PLXDC2: variants seen among roughly 807,000 people sequenced by gnomAD.
PLXDC2 encodes plexin domain-containing protein 2.
A neutral mutation model predicts 68.9 loss-of-function variants in PLXDC2; 40 were observed. The ratio of observed to expected loss-of-function variants is 0.58; its 90% CI spans 0.45 to 0.76. PLXDC2 has a LOEUF of 0.76. Ranked by LOEUF, PLXDC2 falls within the 30% of genes least tolerant of loss-of-function variation. PLXDC2 has a pLI of 0.00. For missense variants in PLXDC2, 644 were observed against 661.9 expected, an observed-to-expected ratio of 0.97 and a Z score of 0.30; for synonymous variants, 243 against 234.2, an observed-to-expected ratio of 1.04 and a Z score of -0.34.
rs535175840 is a variant in PLXDC2, at chr10:20,187,309, T to A, written c.1061+9900T>A. On this transcript the variant is annotated intron_variant, in intron 9 of 13. Coordinates refer to ENST00000377252, the MANE Select transcript of PLXDC2 (RefSeq NM_032812.9). ...AGCTGAATGGACCCAATTTCAGTAG[T>A]TCTCAAAATTTCTTTTTTGTAGATC... Among the ~76,000 whole-genome samples, 3 of 151,972 alleles carry A rather than the reference T, an allele frequency of 2.0e-5. No homozygotes were observed. The East Asian group carries it at 5.8e-4, about 30-fold the overall frequency.
intron 4 of PLXDC2, among the ~76,000 whole-genome samples, chr10:20,075,328 A>G (rs1042557332): frequency 1.3e-5 from 2 of 152,088 alleles, no homozygotes; most frequent in Non-Finnish European, 2.9e-5. Flanking sequence ...AGCTGGGACT[A>G]CAGGCATGCA....
chr10:19,996,151 C>A (rs192730036), intron 1 of PLXDC2, among the ~76,000 whole-genome samples: 235 of 152,216 alleles, frequency 1.5e-3, no homozygotes, highest in Non-Finnish European at 2.3e-3. Flanking sequence ...CAACATAAGA[C>A]TAGATAGGGC....
Position 20,288,837 on chromosome 10 carries a change from A to T in PLXDC2, c.*9018A>T, listed in dbSNP as rs547557619. 6.6e-6 allele frequency: 1 copy of T among 152,092 alleles called. No individual in the cohort carries two copies. The highest frequency in any genetic ancestry group is 2.4e-5 in the African/African-American group (1 of 41,424). The allele number at this position is 152,092 out of a possible 1,614,324, so 9.4% of individuals were successfully genotyped here. On this transcript the variant is annotated 3_prime_UTR_variant, in exon 14 of 14. Coordinates refer to ENST00000377252, the MANE Select transcript of PLXDC2 (RefSeq NM_032812.9). ...GTGTATTGACTGCCTCAGTGACACA[A>T]TTTATCTTTAAAGGTGTGGAAGCTG...
chr10:19,865,105 G>C (rs1010891657), intron 1 of PLXDC2, among the ~76,000 whole-genome samples: 1 of 152,186 alleles, frequency 6.6e-6, no homozygotes, highest in African/African-American at 2.4e-5. Context: ...TGTTTTAACA[G>C]CAAAGTTGTA....
chr10:19,923,856 G>A (rs1196625064), intron 1 of PLXDC2, among the ~76,000 whole-genome samples: 2 of 152,160 alleles, frequency 1.3e-5, no homozygotes, highest in East Asian at 1.9e-4. Context: ...TTGAGCCCAC[G>A]AGTTCAAGAC....
intron 1 of PLXDC2, among the ~76,000 whole-genome samples, chr10:19,998,806 TG>T (rs112993943): frequency 2.6e-5 from 2 of 78,162 alleles, no homozygotes; most frequent in Admixed American, 1.2e-4. Flanking sequence ...TGCTAAACAG[TG>T]GGGGAAAAAA....
chr10:20,065,886 T>G (rs1032508745), intron 3 of PLXDC2, among the ~76,000 whole-genome samples: 1 of 152,206 alleles, frequency 6.6e-6, no homozygotes, highest in Non-Finnish European at 1.5e-5. Flanking sequence ...GCTGCTCACC[T>G]GCTGCTGTGT....
chr10:20,274,815 C>T (rs571772633), intron 13 of PLXDC2, among the ~76,000 whole-genome samples: 111 of 151,496 alleles, frequency 7.3e-4, no homozygotes, highest in African/African-American at 2.6e-3. Context: ...CTGTGTTTCC[C>T]CATAGATACA....
intron 1 of PLXDC2, among the ~76,000 whole-genome samples, chr10:19,989,199 G>A (rs1010263665): frequency 6.6e-6 from 1 of 152,062 alleles, no homozygotes; most frequent in Non-Finnish European, 1.5e-5. Context: ...AAATGTAAAT[G>A]GTTTTTTACA....
chr10:19,949,275 C>T (rs895518663), intron 1 of PLXDC2, among the ~76,000 whole-genome samples: 2 of 152,030 alleles, frequency 1.3e-5, no homozygotes, highest in African/African-American at 2.4e-5. Context: ...TCAAAATACT[C>T]ATTCTTGGGT....
chr10:20,259,052 A>G (rs12256251), intron 13 of PLXDC2, among the ~76,000 whole-genome samples: 3,723 of 152,026 alleles, frequency 0.024, 140 homozygotes, highest in African/African-American at 0.083. Flanking sequence ...GAAAACTTCA[A>G]TCTTAATCAG....
At chr10:20,017,072 C>A (rs1236363757) in intron 2 of PLXDC2, among the ~76,000 whole-genome samples, 1 of 152,154 alleles carries the variant, frequency 6.6e-6, no homozygotes, top group African/African-American at 2.4e-5. Flanking sequence ...AGCACACATG[C>A]CTGGAGAAAG....
At chr10:19,901,769 G>T (rs1390112258) in intron 1 of PLXDC2, among the ~76,000 whole-genome samples, 1 of 151,976 alleles carries the variant, frequency 6.6e-6, no homozygotes. Context: ...TGTCTGAAGG[G>T]TTTTTCGATG....
intron 2 of PLXDC2, among the ~76,000 whole-genome samples, chr10:20,004,468 A>G (rs1161654664): frequency 6.6e-6 from 1 of 152,174 alleles, no homozygotes; most frequent in African/African-American, 2.4e-5. Flanking sequence ...GGGGTGCAGC[A>G]TCAAGAAAGG....
intron 13 of PLXDC2, 114 bp from the exon 14 acceptor site, chr10:20,279,589 A>AT: frequency 1.3e-6 from 1 of 789,042 alleles, no homozygotes; most frequent in Non-Finnish European, 2.1e-6. Context: ...ATAAGAGATA[A>AT]TTTAATGTGT....
At chr10:20,093,150 T>C (rs1321489936) in intron 4 of PLXDC2, among the ~76,000 whole-genome samples, 2 of 152,298 alleles carry the variant, frequency 1.3e-5, no homozygotes, top group East Asian at 3.9e-4. Context: ...AACTATATTA[T>C]TGATACAAGT....
At chr10:20,006,107 G>A (rs982079510) in intron 2 of PLXDC2, among the ~76,000 whole-genome samples, 4 of 151,984 alleles carry the variant, frequency 2.6e-5, no homozygotes, top group African/African-American at 9.7e-5. Context: ...ATGAGCACGG[G>A]AGTGTAGGTT....
intron 2 of PLXDC2, among the ~76,000 whole-genome samples, chr10:20,042,836 G>A (rs2131677991): frequency 6.6e-6 from 1 of 152,108 alleles, no homozygotes; most frequent in South Asian, 2.1e-4. Context: ...TTTGTCTACA[G>A]CTGCACATTT....
chr10:19,911,950 T>C (rs1375947745), intron 1 of PLXDC2, among the ~76,000 whole-genome samples: 1 of 152,242 alleles, frequency 6.6e-6, no homozygotes, highest in Non-Finnish European at 1.5e-5. Context: ...CTGTCTGCTG[T>C]GTCTCAAAAT....
Sources: allele counts gnomAD v4.1 joint callset (sites outside exome capture counted in the v4.1 genomes callset), GRCh38; gene constraint gnomAD v4.1.1; transcripts MANE v1.5; gene names NCBI Gene and HGNC (gene_info 2026-07-23, HGNC 2026-07-21).